Variants in RELN observed in about 807,000 individuals in gnomAD.
RELN encodes reelin.
RELN carries 108 observed loss-of-function variants against 427.6 expected under a neutral mutation model. That is an observed-to-expected ratio of 0.25 (90% confidence interval 0.22 to 0.30). The LOEUF (loss-of-function observed/expected upper bound fraction) is 0.30, where lower values mean the gene tolerates loss of function less well. Ranked by LOEUF, RELN falls within the 10% of genes least tolerant of loss-of-function variation. RELN has a pLI of 1.00. For missense variants in RELN, 3,715 were observed against 4,302.8 expected (o/e 0.86, Z 3.82); for synonymous variants, 1,524 against 1,513.4 (o/e 1.01, Z -0.16).
intron 2 of RELN, among the ~76,000 whole-genome samples, chr7:103,882,938 A>C (rs1794641641): frequency 6.6e-6 from 1 of 152,234 alleles, no homozygotes; most frequent in Non-Finnish European, 1.5e-5. Flanking sequence ...TCACTTTATG[A>C]GGCCAGCATC....
chr7:103,829,700 C>A (rs1482845794), intron 3 of RELN, among the ~76,000 whole-genome samples: 1 of 151,902 alleles, frequency 6.6e-6, no homozygotes, highest in Non-Finnish European at 1.5e-5. Flanking sequence ...ACAGGCAGCC[C>A]AAATGACTAT....
intron 1 of RELN, among the ~76,000 whole-genome samples, chr7:103,923,029 A>G (rs1473389763): frequency 6.6e-6 from 1 of 152,062 alleles, no homozygotes; most frequent in Admixed American, 6.6e-5. Flanking sequence ...CAAAGTTTCC[A>G]TTTCTTGATT....
rs117285841 is a variant in RELN at position 103,883,115 on chromosome 7, C to T, written c.337+33960G>A. ...AATCAAGTTGATTTCATCCATGGGACGCAGGGCTGGTTCAACATATCCAAA... is the reference window on the plus strand; with the variant it reads ...AATCAAGTTGATTTCATCCATGGGATGCAGGGCTGGTTCAACATATCCAAA... On this transcript the variant is annotated intron_variant, in intron 2 of 64. Transcript: ENST00000428762. Among the ~76,000 whole-genome samples the T allele has an allele frequency of 4.0e-3, 615 of 152,272 alleles. 22 individuals are homozygous for T. The East Asian group carries it at 0.072, about 18-fold the overall frequency.
intron 10 of RELN, among the ~76,000 whole-genome samples, chr7:103,697,511 C>T (rs894137135): frequency 4.6e-5 from 7 of 152,026 alleles, no homozygotes; most frequent in Non-Finnish European, 7.4e-5. Flanking sequence ...CAGGCTGTTT[C>T]GTATTTGTAT....
chr7:103,970,087 C>A (rs1278479585), intron 1 of RELN, among the ~76,000 whole-genome samples: 3 of 152,064 alleles, frequency 2.0e-5, no homozygotes, highest in Non-Finnish European at 2.9e-5. Flanking sequence ...TCAAACAAGG[C>A]TGCCTTCTTC....
At chr7:103,964,507 A>C (rs1422074477) in intron 1 of RELN, among the ~76,000 whole-genome samples, 3 of 152,172 alleles carry the variant, frequency 2.0e-5, no homozygotes, top group Non-Finnish European at 4.4e-5. Flanking sequence ...ACCTATCCAG[A>C]TGGCTCAGTT....
chr7:103,500,531 G>C (rs183747921), intron 53 of RELN, among the ~76,000 whole-genome samples: 251 of 151,946 alleles, frequency 1.7e-3, no homozygotes, highest in Admixed American at 5.9e-3. Flanking sequence ...ATATAGTCTG[G>C]CTCATTTTAT....
intron 22 of RELN, among the ~76,000 whole-genome samples, chr7:103,604,996 A>G (rs1244373140): frequency 6.6e-6 from 1 of 152,088 alleles, no homozygotes; most frequent in Non-Finnish European, 1.5e-5. Flanking sequence ...TGCCTGGCTA[A>G]TTTTTGTATT....
At chr7:103,902,304 G>A (rs1402356529) in intron 2 of RELN, among the ~76,000 whole-genome samples, 2 of 151,794 alleles carry the variant, frequency 1.3e-5, no homozygotes, top group African/African-American at 4.8e-5. Context: ...TAAAAGTCAG[G>A]TTAAAAAAGA....
chr7:103,623,559 TG>T (rs1471996121), intron 20 of RELN, among the ~76,000 whole-genome samples: 2 of 152,242 alleles, frequency 1.3e-5, no homozygotes, highest in Admixed American at 6.5e-5. Flanking sequence ...CCTTTGCTCA[TG>T]TTTACCAACA....
intron 11 of RELN, among the ~76,000 whole-genome samples, chr7:103,670,904 T>G (rs1184040603): frequency 1.3e-5 from 2 of 152,034 alleles, no homozygotes; most frequent in Non-Finnish European, 2.9e-5. Flanking sequence ...CAGAACATAT[T>G]AAAACACCTA....
At chr7:103,518,390 T>G (rs1829621033) in intron 49 of RELN, among the ~76,000 whole-genome samples, 1 of 149,174 alleles carries the variant, frequency 6.7e-6, no homozygotes, top group Non-Finnish European at 1.5e-5. Context: ...TAGAGCATAG[T>G]GCCACAATCA....
chr7:103,632,005 T>C (rs1275629864), intron 19 of RELN, among the ~76,000 whole-genome samples: 1 of 152,174 alleles, frequency 6.6e-6, no homozygotes, highest in African/African-American at 2.4e-5. Context: ...TAAGCAACTT[T>C]TAAGGAAAAT....
chr7:103,854,480 A>T (rs1423944217), intron 2 of RELN, among the ~76,000 whole-genome samples: 9 of 152,182 alleles, frequency 5.9e-5, no homozygotes, highest in African/African-American at 1.7e-4. Flanking sequence ...TATAACATAC[A>T]TATAATAAAG....
intron 8 of RELN, among the ~76,000 whole-genome samples, chr7:103,718,965 AAC>A: frequency 6.6e-6 from 1 of 152,284 alleles, no homozygotes; most frequent in South Asian, 2.1e-4. Context: ...AAGAACCCCT[AAC>A]ACAACTACCC....
At chr7:103,849,630 G>A (rs1204211065) in intron 2 of RELN, among the ~76,000 whole-genome samples, 1 of 152,106 alleles carries the variant, frequency 6.6e-6, no homozygotes, top group African/African-American at 2.4e-5. Context: ...GTATATAGTT[G>A]TAAGTACATG....
At chr7:103,592,515 G>A (rs1415091200) in intron 27 of RELN, among the ~76,000 whole-genome samples, 1 of 152,090 alleles carries the variant, frequency 6.6e-6, no homozygotes, top group Non-Finnish European at 1.5e-5. Context: ...CTTTATGGTA[G>A]AATGATTTAT....
intron 2 of RELN, among the ~76,000 whole-genome samples, chr7:103,868,141 T>C (rs1259778186): frequency 6.6e-6 from 1 of 152,066 alleles, no homozygotes; most frequent in African/African-American, 2.4e-5. Context: ...ATTTTCACAA[T>C]GAGGTGCCAC....
At chr7:103,802,266 A>G (rs1196417224) in intron 3 of RELN, among the ~76,000 whole-genome samples, 2 of 152,188 alleles carry the variant, frequency 1.3e-5, no homozygotes, top group East Asian at 1.9e-4. Flanking sequence ...AAGAAAAATG[A>G]TCAAGTGCTA....
Sources: gnomAD v4.1 joint callset for allele counts (sites outside exome capture counted in the v4.1 genomes callset) on GRCh38, gnomAD v4.1.1 for gene constraint, MANE v1.5 for transcripts, NCBI Gene and HGNC (gene_info 2026-07-23, HGNC 2026-07-21) for gene names.